Variants in ITIH6 observed in about 807,000 individuals in gnomAD.
The protein encoded by ITIH6 is inter-alpha-trypsin inhibitor heavy chain H6.
Under a neutral mutation model 58.2 loss-of-function variants are expected in ITIH6, and 60 were observed. That is an observed-to-expected ratio of 1.03 (90% confidence interval 0.84 to 1.28). The LOEUF is 1.28. ITIH6 is among the 50% of genes most tolerant of loss of function. The pLI is 0.00. For synonymous variants in ITIH6, 493 were observed against 417.4 expected (o/e 1.18, Z -2.21); for missense variants, 1,290 against 1,021.1 (o/e 1.26, Z -3.59).
At position 54,757,019 on chromosome X, in the gene ITIH6, C is replaced by T. The variant is rs748645422; in HGVS notation, c.3055G>A (p.Val1019Met). The change falls in exon 8 of 13, where the codon GTG becomes ATG. Residue 1019 changes from valine to methionine, a missense_variant. Val to Met is a conservative substitution (Grantham distance 21). Transcript: ENST00000218436. Reference protein sequence around the residue: ...LSESMVESKFVESLNPPAFYT... With the variant: ...LSESMVESKFMESLNPPAFYT... The stretch of plus-strand genomic sequence containing the variant: ...AAAGCTGGTGGGTTCAAGGACTCCA[C>T]GAACTTGGATTCCACCATTGATTCA... The T allele has an allele frequency of 5.8e-6, 7 of 1,207,128 alleles. No homozygotes were observed. In the Admixed American group the frequency reaches 8.8e-5, roughly 15 times the overall value.
At chrX:54,754,038 C>CCTTATCTGGGAGT (rs1476166785) in intron 9 of ITIH6, 73 bp from the exon 10 acceptor site, 1 of 1,045,981 alleles carries the variant, frequency 9.6e-7, no homozygotes, top group African/African-American at 1.8e-5. Context: ...GGACATACTC[C>CCTTATCTGGGAGT]CAGATAAGGG....
intron 5 of ITIH6, among the ~76,000 whole-genome samples, chrX:54,779,659 A>G (rs1019708396): frequency 3.6e-5 from 4 of 111,587 alleles, no homozygotes; most frequent in Non-Finnish European, 7.5e-5. Flanking sequence ...AGGAAAACCA[A>G]TAACAAAATG....
chrX:54,767,768 A>T (rs1257203030), intron 6 of ITIH6, among the ~76,000 whole-genome samples: 2 of 99,747 alleles, frequency 2.0e-5, no homozygotes, highest in Non-Finnish European at 2.0e-5. Context: ...GTTTGTTATA[A>T]TTTCTGTTCT....
chrX:54,794,666 G>T lies in ITIH6; in HGVS notation c.257+2276C>A, dbSNP rs1357660234. ...GTGCCAGGAGGTTCTTGATGGCACA[G>T]CCTAGGCCCACCCCAGGGCTGCTGT... On this transcript the variant is annotated intron_variant, in intron 2 of 12. Transcript: ENST00000218436. 2.7e-5 allele frequency among the ~76,000 whole-genome samples: 3 copies of T among 111,337 alleles called. No individual in the cohort carries two copies. The Admixed American group carries it at 2.9e-4, about 11-fold the overall frequency.
intron 5 of ITIH6, among the ~76,000 whole-genome samples, chrX:54,777,197 C>T (rs1008991104): frequency 8.9e-6 from 1 of 112,562 alleles, no homozygotes; most frequent in Admixed American, 9.4e-5. Flanking sequence ...GTGGCAATGG[C>T]CATGAGGTGA....
At position 54,757,929 on chromosome X, in the gene ITIH6, G is replaced by T. The variant is rs371565546; in HGVS notation, c.2145C>A (p.Thr715=). The T allele has an allele frequency of 8.3e-7, 1 of 1,209,880 alleles. No individual in the cohort carries two copies. The highest frequency in any genetic ancestry group is 1.7e-5 in the African/African-American group (1 of 57,185). Residue 715 remains threonine, a synonymous_variant, in exon 8 of 13, where the codon ACC becomes ACA. Coordinates refer to ENST00000218436, the MANE Select transcript of ITIH6 (RefSeq NM_198510.3). ...TTGTCCTGAGAGTTGGCTGGGCCAA[G>T]GTGCCAGAATCCTGTTGTGCTGGAA... The part of the protein sequence containing the change: ...AKIPAQQDSG[T]LAQPTLRTKP...
chrX:54,795,126 C>T (rs917635709), intron 2 of ITIH6, among the ~76,000 whole-genome samples: 6 of 111,673 alleles, frequency 5.4e-5, no homozygotes, highest in African/African-American at 2.0e-4. Context: ...GCCACCTAGC[C>T]GGCCCCTCCA....
At chrX:54,797,975 GTA>G in intron 1 of ITIH6, 132 bp downstream of exon 1, 1 of 460,113 alleles carries the variant, frequency 2.2e-6, no homozygotes, top group African/African-American at 2.5e-5. Context: ...TCAGCAAATA[GTA>G]CCTCTTTTCT....
At chrX:54,786,074 C>A (rs1017383235) in intron 5 of ITIH6, among the ~76,000 whole-genome samples, 1 of 112,057 alleles carries the variant, frequency 8.9e-6, no homozygotes, top group Non-Finnish European at 1.9e-5. Flanking sequence ...ATGCATCCTG[C>A]CCAAGCAGTG....
intron 5 of ITIH6, among the ~76,000 whole-genome samples, chrX:54,785,154 C>A (rs1458681284): frequency 1.0e-5 from 1 of 97,535 alleles, no homozygotes; most frequent in African/African-American, 3.8e-5. Context: ...AAATGAAAGC[C>A]GTTGAACTCA....
At chrX:54,755,315 CCATTCATTCATT>C (rs759710767) in intron 8 of ITIH6, among the ~76,000 whole-genome samples, 1 of 112,065 alleles carries the variant, frequency 8.9e-6, no homozygotes, top group African/African-American at 3.3e-5. Context: ...ATTCATTTGT[CCATTCATTCATT>C]CATTCATTCA....
intron 6 of ITIH6, among the ~76,000 whole-genome samples, chrX:54,773,259 G>A (rs763575207): frequency 9.0e-6 from 1 of 111,367 alleles, no homozygotes; most frequent in African/African-American, 3.3e-5. Flanking sequence ...ACTTCACAAG[G>A]ACTTCTGAGA....
chrX:54,768,576 G>A (rs1345256270), intron 6 of ITIH6, among the ~76,000 whole-genome samples: 2 of 106,710 alleles, frequency 1.9e-5, no homozygotes, highest in Non-Finnish European at 3.8e-5. Context: ...AGCTCTTTTA[G>A]GGCAGGCCTG....
intron 5 of ITIH6, among the ~76,000 whole-genome samples, chrX:54,780,726 G>T (rs1289140542): frequency 9.1e-6 from 1 of 109,918 alleles, no homozygotes; most frequent in East Asian, 2.8e-4. Flanking sequence ...GAAACAAAAA[G>T]AGTTTTTTTT....
Position 54,757,488 on chromosome X carries a change from T to C in ITIH6, c.2586A>G (p.Pro862=). 2.1e-5 allele frequency: 25 copies of C among 1,210,972 alleles called. No individual in the cohort carries two copies. The highest frequency in any genetic ancestry group is 2.8e-5 in the Non-Finnish European group (25 of 895,263). The change falls in exon 8 of 13, where the codon CCA becomes CCG. Residue 862 remains proline (P), a synonymous_variant. Coordinates refer to ENST00000218436, the MANE Select transcript of ITIH6 (RefSeq NM_198510.3). ...ILLSLKPSAP[P]HQISTSISLS... ...GTGATATGCTTGTGGAAATTTGGTGTGGTGGGGCACTCGGTTTAAGAGATA... is the reference window on the plus strand; with the variant it reads ...GTGATATGCTTGTGGAAATTTGGTGCGGTGGGGCACTCGGTTTAAGAGATA...
intron 8 of ITIH6, among the ~76,000 whole-genome samples, chrX:54,755,647 G>A (rs900789930): frequency 2.7e-5 from 3 of 110,044 alleles, no homozygotes; most frequent in Non-Finnish European, 5.7e-5. Flanking sequence ...CAGGTCAGAT[G>A]ATTATGAAGC....
rs1165795630 is a variant in ITIH6, at chrX:54,798,181, GAC to G, written c.28_29del (p.Val10GlnfsTer9). 8.5e-7 allele frequency: 1 copy of G among 1,183,176 alleles called. No individual in the cohort carries two copies. The highest frequency in any genetic ancestry group is 1.1e-6 in the Non-Finnish European group (1 of 879,975). Reference sequence around the variant, plus strand: ...CAAGAAGAATGGTCAGCAAAAAGCTGACACAGATGAGGTACCTCCACCCAGAC... The same window carrying G: ...CAAGAAGAATGGTCAGCAAAAAGCTGACAGATGAGGTACCTCCACCCAGAC... MSGWRYLIC[V>X]SFLLTILLEL... On this transcript the variant is annotated frameshift_variant, in exon 1 of 13. Transcript: ENST00000218436. LOFTEE classifies it high-confidence loss of function.
At chrX:54,780,555 T>C (rs1356838442) in intron 5 of ITIH6, among the ~76,000 whole-genome samples, 1 of 111,662 alleles carries the variant, frequency 9.0e-6, no homozygotes, top group Non-Finnish European at 1.9e-5. Flanking sequence ...TGTAAGTGCC[T>C]ACATCAAATA....
intron 6 of ITIH6, among the ~76,000 whole-genome samples, chrX:54,773,134 G>A (rs1479382838): frequency 8.1e-5 from 9 of 111,698 alleles, no homozygotes; most frequent in Non-Finnish European, 1.3e-4. Flanking sequence ...GTAACTTTCC[G>A]TTATTGCCGA....
Sources: allele counts gnomAD v4.1 joint callset (sites outside exome capture counted in the v4.1 genomes callset), GRCh38; gene constraint gnomAD v4.1.1; transcripts MANE v1.5; gene names NCBI Gene and HGNC (gene_info 2026-07-23, HGNC 2026-07-21).